The following SVOP variants were observed in gnomAD, a reference collection of about 807,000 sequenced individuals.
SVOP encodes the protein SV2 related protein.
SVOP carries 17 observed loss-of-function variants against 69.1 expected under a neutral mutation model. The observed-to-expected ratio is 0.25, with a 90% confidence interval of 0.17 to 0.37. SVOP has a LOEUF of 0.37. Among genes scored for constraint, SVOP ranks in the 10% least tolerant of loss-of-function variants. The pLI, the probability that SVOP is intolerant of heterozygous loss-of-function variation, is 1.00. For missense variants in SVOP, 435 were observed against 597.5 expected (o/e 0.73, Z 2.84); for synonymous variants, 238 against 238.6 (o/e 1.00, Z 0.02).
rs189586170 is a variant in SVOP, at chr12:108,951,343, C to T, written c.579-6177G>A. Among the ~76,000 whole-genome samples the T allele has an allele frequency of 7.2e-5, 11 of 152,326 alleles. No individual in the cohort carries two copies. In the East Asian group the frequency reaches 1.7e-3, roughly 24 times the overall value. ...CGCCCTCTACTGGAGGTAAAAAACACATGGGCCCAGTGCCAACCTGTATTG... is the reference window on the plus strand; with the variant it reads ...CGCCCTCTACTGGAGGTAAAAAACATATGGGCCCAGTGCCAACCTGTATTG... On this transcript the variant is annotated intron_variant, in intron 6 of 15. Transcript: ENST00000610966.
chr12:108,970,724 T>C (rs1008344759), intron 5 of SVOP, among the ~76,000 whole-genome samples: 6 of 152,180 alleles, frequency 3.9e-5, no homozygotes, highest in African/African-American at 1.4e-4. Context: ...TGCCTGGCAT[T>C]GTACAAAGAG....
chr12:108,921,770 C>G (rs2039749592), intron 12 of SVOP, among the ~76,000 whole-genome samples: 1 of 152,152 alleles, frequency 6.6e-6, no homozygotes, highest in Non-Finnish European at 1.5e-5. Context: ...GTTGCGGGAA[C>G]AGTTTCTGCT....
intron 1 of SVOP, among the ~76,000 whole-genome samples, chr12:109,006,621 C>T (rs1193527324): frequency 2.6e-5 from 4 of 152,082 alleles, no homozygotes; most frequent in African/African-American, 9.7e-5. Context: ...AGGTTCGGTT[C>T]GTTTGAATAA....
chr12:108,997,591 T>A (rs1337917046), intron 1 of SVOP, among the ~76,000 whole-genome samples: 1 of 152,024 alleles, frequency 6.6e-6, no homozygotes, highest in Non-Finnish European at 1.5e-5. Flanking sequence ...GCAGCGGTTC[T>A]CCCAGCACGC....
chr12:109,017,728 G>C (rs2040375549), intron 1 of SVOP, among the ~76,000 whole-genome samples: 1 of 151,972 alleles, frequency 6.6e-6, no homozygotes, highest in Non-Finnish European at 1.5e-5. Context: ...ATTTTTAGTA[G>C]AGACAGTGTT....
chr12:108,915,172 CAA>C (rs78563087), intron 15 of SVOP, among the ~76,000 whole-genome samples: 45,152 of 113,660 alleles, frequency 0.4, 8,317 homozygotes, highest in South Asian at 0.6. Context: ...GACTCCATCC[CAA>C]AAAAAAAAAA....
intron 13 of SVOP, among the ~76,000 whole-genome samples, chr12:108,918,933 C>A (rs2039731026): frequency 6.6e-6 from 1 of 152,132 alleles, no homozygotes; most frequent in South Asian, 2.1e-4. Context: ...CAGCCATGAC[C>A]CTCAGTCCTA....
rs1337744277 is a variant in SVOP, at chr12:108,983,719, C to T, written c.78G>A (p.Glu26=). The T allele has an allele frequency of 5.0e-6, 2 of 398,698 alleles. No individual in the cohort carries two copies. Among genetic ancestry groups the T allele is most frequent in the African/African-American group, 4.1e-5 (2 of 48,652 alleles). The allele number at this position is 398,698 out of a possible 1,614,324, so 24.7% of individuals were successfully genotyped here. Residue 26 remains glutamate, a synonymous_variant, in exon 2 of 16, where the codon GAG becomes GAA. Coordinates refer to ENST00000610966, the MANE Select transcript of SVOP (RefSeq NM_018711.5). ...CATGCTCTCCTGAAGCCGTGTCGTC[C>T]TCTGACCTTGCACTCTCGCCTGTGC... ...FRRTGESARS[E]DDTASGEHEV... is the part of the protein sequence containing the mutation.
chr12:109,014,805 T>A (rs2040359501), intron 1 of SVOP, among the ~76,000 whole-genome samples: 1 of 152,146 alleles, frequency 6.6e-6, no homozygotes, highest in African/African-American at 2.4e-5. Flanking sequence ...CACTGCAGCC[T>A]CAAAACCCTG....
chr12:108,950,775 T>A (rs2039949912), intron 6 of SVOP, among the ~76,000 whole-genome samples: 1 of 152,210 alleles, frequency 6.6e-6, no homozygotes, highest in Admixed American at 6.5e-5. Flanking sequence ...GCTTAGGTTG[T>A]GTTCAATTTC....
intron 1 of SVOP, 53 bp from the exon 2 acceptor site, chr12:108,983,814 C>T (rs2040154446): frequency 1.8e-5 from 7 of 398,626 alleles, no homozygotes; most frequent in Non-Finnish European, 2.7e-5. Context: ...CCCAAATGGC[C>T]TTGCTGCACA....
intron 4 of SVOP, among the ~76,000 whole-genome samples, chr12:108,974,187 T>G (rs1214125457): frequency 6.6e-6 from 1 of 152,138 alleles, no homozygotes; most frequent in Non-Finnish European, 1.5e-5. Context: ...AAGTGACAAA[T>G]AGGAACAGAC....
At chr12:109,009,819 T>C (rs2040330950) in intron 1 of SVOP, among the ~76,000 whole-genome samples, 1 of 152,150 alleles carries the variant, frequency 6.6e-6, no homozygotes, top group South Asian at 2.1e-4. Flanking sequence ...CAGTGACATC[T>C]GGTGGGTAGA....
intron 2 of SVOP, among the ~76,000 whole-genome samples, chr12:108,978,983 T>C (rs2137435197): frequency 6.6e-6 from 1 of 152,254 alleles, no homozygotes; most frequent in Non-Finnish European, 1.5e-5. Flanking sequence ...TGTGCAGATA[T>C]AGAAAGATAC....
chr12:108,988,770 C>CT (rs758822738), intron 1 of SVOP, among the ~76,000 whole-genome samples: 12,489 of 91,868 alleles, frequency 0.14, 1,269 homozygotes, highest in East Asian at 0.23. Flanking sequence ...TCTTTTCTCT[C>CT]TTTTTTTTTT....
chr12:109,000,079 G>A (rs1279546674), intron 1 of SVOP, among the ~76,000 whole-genome samples: 6 of 151,426 alleles, frequency 4.0e-5, no homozygotes, highest in African/African-American at 1.5e-4. Flanking sequence ...GACTAATAAA[G>A]AAAAAAAGAG....
Position 108,977,504 on chromosome 12 carries a change from G to A in SVOP, c.283-8C>T. ...CTCCATGGCATCAGCCATCTGCAGA[G>A]AGGACGGAGACATCATGAGGCCAGG... On this transcript the variant is annotated splice_region_variant and splice_polypyrimidine_tract_variant and intron_variant, in intron 3 of 15. Coordinates refer to ENST00000610966, the MANE Select transcript of SVOP (RefSeq NM_018711.5). The A allele has an allele frequency of 6.6e-7, 1 of 1,520,176 alleles. No homozygotes were observed. The highest frequency in any genetic ancestry group is 8.8e-7 in the Non-Finnish European group (1 of 1,131,392). 94.2% of individuals were successfully genotyped at this position (1,520,176 alleles called of 1,614,324 possible). A position where few individuals can be genotyped will look rare whatever the true frequency, so the allele number is the denominator to read the frequency against.
At chr12:108,932,805 T>G (rs866492922) in intron 11 of SVOP, among the ~76,000 whole-genome samples, 2 of 152,154 alleles carry the variant, frequency 1.3e-5, no homozygotes, top group Non-Finnish European at 1.5e-5. Flanking sequence ...AATTCCAACT[T>G]GACTCTAGTA....
At chr12:108,953,116 C>A (rs1261894137) in intron 6 of SVOP, among the ~76,000 whole-genome samples, 1 of 147,934 alleles carries the variant, frequency 6.8e-6, no homozygotes, top group Non-Finnish European at 1.5e-5. Context: ...GAGGAATGGG[C>A]TCCTTAATGA....
Sources: gnomAD v4.1 joint callset for allele counts (sites outside exome capture counted in the v4.1 genomes callset) on GRCh38, gnomAD v4.1.1 for gene constraint, MANE v1.5 for transcripts, NCBI Gene and HGNC (gene_info 2026-07-23, HGNC 2026-07-21) for gene names.